The following KTN1 variants were observed in gnomAD, a reference collection of about 807,000 sequenced individuals.
KTN1 encodes the protein kinectin.
A neutral mutation model predicts 222.5 loss-of-function variants in KTN1; 130 were observed. The observed-to-expected ratio is 0.58, with a 90% CI of 0.51 to 0.68. KTN1 has a LOEUF of 0.68. Ranked by LOEUF, KTN1 falls within the 30% of genes least tolerant of loss-of-function variation. The pLI is 0.00. For synonymous variants in KTN1, 512 were observed against 496.3 expected (o/e 1.03, Z -0.42); for missense variants, 1,508 against 1,500.4 (o/e 1.01, Z -0.08).
At chr14:55,676,195 G>T (rs532730742) in intron 41 of KTN1, among the ~76,000 whole-genome samples, 12 of 152,064 alleles carry the variant, frequency 7.9e-5, no homozygotes, top group African/African-American at 2.9e-4. Flanking sequence ...TTAAAATTTG[G>T]CTGCATCCAT....
rs1202205912 is a variant in KTN1 at position 55,672,938 on chromosome 14, G to C, written c.3613G>C (p.Glu1205Gln). 1 of 1,612,938 alleles carries C rather than the reference G, an allele frequency of 6.2e-7. No individual in the cohort carries two copies. The highest frequency in any genetic ancestry group is 8.5e-7 in the Non-Finnish European group (1 of 1,179,074). ...TTTGTTGCATTGCTAGCTGAGAAGA[G>C]AACGAGAACATTTGGAAATGGAACT... ...ENKDIENLRREREHLEMELEK... is the reference protein window; with the variant it reads ...ENKDIENLRRQREHLEMELEK... Residue 1205 changes from glutamate to glutamine, a missense_variant, in exon 39 of 44, where the codon GAA becomes CAA. Physicochemically the swap from Glu to Gln is conservative, Grantham distance 29. Coordinates refer to ENST00000395314, the MANE Select transcript of KTN1 (RefSeq NM_001079521.2).
chr14:55,658,937 T>C (rs1427382607), intron 30 of KTN1, among the ~76,000 whole-genome samples: 1 of 152,150 alleles, frequency 6.6e-6, no homozygotes, highest in Non-Finnish European at 1.5e-5. Context: ...CACACTCTTA[T>C]CTCCCCTCTT....
At chr14:55,630,126 G>A (rs764850886) in intron 7 of KTN1, 29 bp downstream of exon 7, 1 of 1,602,052 alleles carries the variant, frequency 6.2e-7, no homozygotes, top group South Asian at 1.1e-5. Flanking sequence ...GAAACAAGAT[G>A]AAATGGTTGC....
At chr14:55,637,685 A>C in intron 11 of KTN1, 94 bp from the exon 12 acceptor site, 1 of 867,758 alleles carries the variant, frequency 1.2e-6, no homozygotes, top group Non-Finnish European at 1.8e-6. Context: ...AAAAAAGAAA[A>C]AGATAAACAA....
At chr14:55,627,003 A>G (rs1233468347) in intron 5 of KTN1, among the ~76,000 whole-genome samples, 2 of 152,152 alleles carry the variant, frequency 1.3e-5, no homozygotes, top group Non-Finnish European at 2.9e-5. Context: ...AATTTCAGAG[A>G]ACTACACATC....
intron 13 of KTN1, among the ~76,000 whole-genome samples, chr14:55,639,472 T>C (rs1445101277): frequency 6.6e-6 from 1 of 151,662 alleles, no homozygotes; most frequent in Non-Finnish European, 1.5e-5. Flanking sequence ...AGACTTTCAT[T>C]TGAGTGTTAG....
rs1490618257 is a variant in KTN1 at position 55,679,601 on chromosome 14, A to C, written c.3985A>C (p.Asn1329His). The C allele has an allele frequency of 5.0e-6, 8 of 1,611,474 alleles. No individual in the cohort carries two copies. Among genetic ancestry groups the C allele is most frequent in the Non-Finnish European group, 6.8e-6 (8 of 1,177,740 alleles). Residue 1329 changes from asparagine (N) to histidine (H), a missense_variant, in exon 43 of 44, where the codon AAT becomes CAT. Coordinates refer to ENST00000395314, the MANE Select transcript of KTN1 (RefSeq NM_001079521.2). The part of the protein sequence containing the change: ...SEKETMSVSL[N>H]QTVTQLQQLL... ...GAAGGAGACAATGTCTGTAAGTCTA[A>C]ATCAGACTGTAACACAGTTACAGCA...
intron 1 of KTN1, among the ~76,000 whole-genome samples, chr14:55,582,163 A>G (rs905986642): frequency 1.3e-5 from 2 of 152,194 alleles, no homozygotes; most frequent in Non-Finnish European, 2.9e-5. Flanking sequence ...AAGAATATCA[A>G]GTATTTAACT....
At chr14:55,640,331 C>A in intron 14 of KTN1, 43 bp from the exon 15 acceptor site, 1 of 1,267,296 alleles carries the variant, frequency 7.9e-7, no homozygotes, top group Non-Finnish European at 1.1e-6. Context: ...ACTTTAAAAT[C>A]AGTTGTATTA....
Position 55,633,281 on chromosome 14 carries a change from A to G in KTN1, c.1268A>G (p.Lys423Arg). ...ATGGAGGCAGAGATAGCTCACTTGA[A>G]GCAGGAAAATGGTATACTGAGAGAT... ...EQMEAEIAHL[K>R]QENGILRDAV... Residue 423 changes from lysine to arginine, a missense_variant, in exon 8 of 44, where the codon AAG becomes AGG. Physicochemically the swap from Lys to Arg is conservative, Grantham distance 26 (BLOSUM62 2). Transcript: ENST00000395314. The G allele has an allele frequency of 6.3e-7, 1 of 1,599,772 alleles. No individual in the cohort carries two copies. Among genetic ancestry groups the G allele is most frequent in the Non-Finnish European group, 8.5e-7 (1 of 1,173,114 alleles).
intron 14 of KTN1, 64 bp downstream of exon 14, chr14:55,640,067 C>A: frequency 1.1e-6 from 1 of 936,682 alleles, no homozygotes; most frequent in East Asian, 2.4e-5. Context: ...TACTTTGATG[C>A]ACATAATCAG....
In KTN1 at chr14:55,649,875, G is replaced by C. The variant is rs1254800585; in HGVS notation, c.2405+62G>C. 4.3e-6 allele frequency: 4 copies of C among 925,226 alleles called. No individual in the cohort carries two copies. The Admixed American group carries it at 1.0e-4, about 24-fold the overall frequency. 57.3% of individuals were successfully genotyped at this position (925,226 alleles called of 1,614,324 possible). A position where few individuals can be genotyped will look rare whatever the true frequency, so the allele number is the denominator to read the frequency against. ...TTTGGTCCATTTTTTTTTTGTGTGT[G>C]CTTAGAAATCTAGTTTTATTGTGCA... On this transcript the variant is annotated intron_variant, in intron 22 of 43. Transcript: ENST00000395314.
At chr14:55,671,911 C>T (rs1307069506) in intron 37 of KTN1, 34 bp downstream of exon 37, 2 of 1,260,720 alleles carry the variant, frequency 1.6e-6, no homozygotes, top group East Asian at 2.3e-5. Context: ...AGCAGTGGTT[C>T]TCGATGTGTG....
rs570784476 is a variant in KTN1, at chr14:55,658,762, C to T, written c.2961+148C>T. The stretch of plus-strand genomic sequence containing the variant: ...TTATCAAATTTTATATAAAAGAAAG[C>T]AACTTGCTATGTCATATCCAAAGTA... On this transcript the variant is annotated intron_variant, in intron 30 of 43. Coordinates refer to ENST00000395314, the MANE Select transcript of KTN1 (RefSeq NM_001079521.2). 130 of 590,800 alleles carry T rather than the reference C, an allele frequency of 2.2e-4. 3 individuals are homozygous for T. The South Asian group carries it at 2.8e-3, about 13-fold the overall frequency. The allele number at this position is 590,800 out of a possible 1,614,324, so 36.6% of individuals were successfully genotyped here. A position where few individuals can be genotyped will look rare whatever the true frequency, so the allele number is the denominator to read the frequency against.
intron 2 of KTN1, among the ~76,000 whole-genome samples, chr14:55,615,322 C>T (rs866743388): frequency 5.3e-5 from 8 of 152,226 alleles, no homozygotes; most frequent in Middle Eastern, 3.4e-3. Flanking sequence ...CCAAATGAAA[C>T]TCTGTACGCA....
At chr14:55,585,444 GC>G (rs1301990401) in intron 1 of KTN1, among the ~76,000 whole-genome samples, 2 of 152,074 alleles carry the variant, frequency 1.3e-5, no homozygotes, top group African/African-American at 2.4e-5. Flanking sequence ...ACTTTTATTT[GC>G]CTTTTTATTT....
intron 29 of KTN1, among the ~76,000 whole-genome samples, chr14:55,656,534 G>A (rs1403804482): frequency 2.6e-5 from 4 of 151,874 alleles, no homozygotes; most frequent in South Asian, 4.2e-4. Flanking sequence ...GCGTGATCTC[G>A]GCTCGCTGCA....
intron 1 of KTN1, among the ~76,000 whole-genome samples, chr14:55,594,191 C>G (rs1184752928): frequency 6.6e-6 from 1 of 151,428 alleles, no homozygotes; most frequent in Non-Finnish European, 1.5e-5. Flanking sequence ...TCATTTCTAC[C>G]TATCTTAGGC....
At position 55,637,866 on chromosome 14, in the gene KTN1, T is replaced by G. The variant is rs748187054; in HGVS notation, c.1785+19T>G. The G allele has an allele frequency of 6.3e-7, 1 of 1,585,444 alleles. No individual in the cohort carries two copies. The highest frequency in any genetic ancestry group is 2.2e-5 in the East Asian group (1 of 44,706). ...AGCCCAGGTAATGATGCTTTCTTAT[T>G]GCTTATGATTAATAACTTGCAGCCA... is the stretch of plus-strand genomic sequence containing the variant. On this transcript the variant is annotated intron_variant, in intron 12 of 43. Transcript: ENST00000395314.
Sources: gnomAD v4.1 joint callset for allele counts (sites outside exome capture counted in the v4.1 genomes callset) on GRCh38, gnomAD v4.1.1 for gene constraint, MANE v1.5 for transcripts, NCBI Gene and HGNC (gene_info 2026-07-23, HGNC 2026-07-21) for gene names.